The following NIBAN1 variants were observed in gnomAD, a reference collection of about 807,000 sequenced individuals.
NIBAN1 encodes protein Niban 1.
NIBAN1 carries 81 observed loss-of-function variants against 75.1 expected under a neutral mutation model. That is an observed-to-expected ratio of 1.08 (90% CI 0.90 to 1.30). The LOEUF is 1.30. NIBAN1 is among the 50% of genes most tolerant of loss of function. NIBAN1 has a pLI of 0.00. For missense variants in NIBAN1, 1,133 were observed against 1,128.1 expected (o/e 1.00, Z -0.06); for synonymous variants, 436 against 424.8 (o/e 1.03, Z -0.32).
chr1:184,888,338 G>T (rs1341168654), intron 4 of NIBAN1, among the ~76,000 whole-genome samples: 1 of 152,102 alleles, frequency 6.6e-6, no homozygotes, highest in African/African-American at 2.4e-5. Context: ...TGACTGACAT[G>T]GTTCTATCAA....
At chr1:184,961,273 A>T (rs1201412506) in intron 1 of NIBAN1, among the ~76,000 whole-genome samples, 1 of 150,252 alleles carries the variant, frequency 6.7e-6, no homozygotes, top group East Asian at 2.0e-4. Context: ...GTTTTACCGT[A>T]TTAGCCAGGA....
intron 4 of NIBAN1, among the ~76,000 whole-genome samples, chr1:184,886,990 A>T (rs1329019536): frequency 6.6e-6 from 1 of 152,122 alleles, no homozygotes; most frequent in African/African-American, 2.4e-5. Flanking sequence ...GAGTGGTGGC[A>T]TGCACCTGTA....
intron 5 of NIBAN1, among the ~76,000 whole-genome samples, chr1:184,835,245 C>T (rs548749140): frequency 2.4e-4 from 37 of 152,034 alleles, no homozygotes; most frequent in Non-Finnish European, 4.4e-4. Flanking sequence ...GATTACTGTA[C>T]CCTTGTAGTA....
At chr1:184,804,246 G>A (rs2102190407) in intron 11 of NIBAN1, among the ~76,000 whole-genome samples, 1 of 152,310 alleles carries the variant, frequency 6.6e-6, no homozygotes, top group East Asian at 1.9e-4. Flanking sequence ...TCACTTCAAG[G>A]GGATCACAGA....
At position 184,822,767 on chromosome 1, in the gene NIBAN1, A is replaced by G. The variant is rs558617398; in HGVS notation, c.985+400T>C. On this transcript the variant is annotated intron_variant, in intron 8 of 13. Coordinates refer to ENST00000367511, the MANE Select transcript of NIBAN1 (RefSeq NM_052966.4). Reference sequence around the variant, plus strand: ...TGATTTGAATATTTGCTGAGTCTGTATATGCCAGGCGTGACACCAGGCCCT... The same window carrying G: ...TGATTTGAATATTTGCTGAGTCTGTGTATGCCAGGCGTGACACCAGGCCCT... 5.3e-5 allele frequency among the ~76,000 whole-genome samples: 8 copies of G among 152,320 alleles called. No individual in the cohort carries two copies. In the East Asian group the frequency reaches 5.8e-4, roughly 11 times the overall value.
intron 5 of NIBAN1, among the ~76,000 whole-genome samples, chr1:184,836,745 G>C (rs1039230824): frequency 2.6e-5 from 4 of 152,164 alleles, no homozygotes; most frequent in African/African-American, 4.8e-5. Context: ...TGAGGGCCTG[G>C]ATCTGAATTC....
intron 1 of NIBAN1, among the ~76,000 whole-genome samples, chr1:184,944,574 T>G (rs912175814): frequency 2.0e-5 from 3 of 152,268 alleles, no homozygotes; most frequent in Admixed American, 6.5e-5. Flanking sequence ...TTGGAGTACA[T>G]GTCATGAGGA....
At chr1:184,937,383 C>T (rs1267305621) in intron 1 of NIBAN1, among the ~76,000 whole-genome samples, 1 of 152,104 alleles carries the variant, frequency 6.6e-6, no homozygotes, top group African/African-American at 2.4e-5. Flanking sequence ...ATACAATCTT[C>T]TATTGTCCCA....
rs56251286 is a variant in NIBAN1 at position 184,926,223 on chromosome 1, T to G, written c.56-26914A>C. ...TGCCAGACATATTGGAGCTCCATCG[T>G]ATGTTTTTTATTTGTCTGTTTGTTT... On this transcript the variant is annotated intron_variant, in intron 1 of 13. Transcript: ENST00000367511. 3.7e-3 allele frequency among the ~76,000 whole-genome samples: 563 copies of G among 152,244 alleles called. 1 individual carries two copies. The highest frequency in any genetic ancestry group is 0.013 in the African/African-American group (536 of 41,548).
intron 1 of NIBAN1, among the ~76,000 whole-genome samples, chr1:184,927,646 C>A (rs927282187): frequency 6.6e-6 from 1 of 152,078 alleles, no homozygotes; most frequent in Non-Finnish European, 1.5e-5. Flanking sequence ...CTGTGATAAC[C>A]ACTGCCTGCC....
rs186302659 is a variant in NIBAN1 at position 184,869,645 on chromosome 1, G to A, written c.601+14988C>T. Among the ~76,000 whole-genome samples, 394 of 151,772 alleles carry A rather than the reference G, an allele frequency of 2.6e-3. 1 individual carries two copies. Among genetic ancestry groups the A allele is most frequent in the African/African-American group, 9.2e-3 (381 of 41,336 alleles). On this transcript the variant is annotated intron_variant, in intron 5 of 13. Coordinates refer to ENST00000367511, the MANE Select transcript of NIBAN1 (RefSeq NM_052966.4). The stretch of plus-strand genomic sequence containing the variant: ...GCAACTCCACCTCCCATGTTCAAGC[G>A]ATTCTCCTGCCTCAGCCTCCTGAGT...
intron 3 of NIBAN1, 42 bp downstream of exon 3, chr1:184,894,033 A>G: frequency 1.3e-6 from 2 of 1,542,896 alleles, no homozygotes; most frequent in Non-Finnish European, 1.7e-6. Flanking sequence ...CCAAACTTTT[A>G]AGAACAGTGT....
At chr1:184,930,997 C>T (rs66552839) in intron 1 of NIBAN1, among the ~76,000 whole-genome samples, 46,886 of 113,150 alleles carry the variant, frequency 0.41, 8,593 homozygotes, top group South Asian at 0.51. Flanking sequence ...TTTTCTTCTT[C>T]TTTTTTTTTT....
intron 4 of NIBAN1, among the ~76,000 whole-genome samples, chr1:184,886,018 C>T (rs377136339): frequency 6.6e-6 from 1 of 152,264 alleles, no homozygotes; most frequent in African/African-American, 2.4e-5. Context: ...CAGTCTGTAC[C>T]CTCCCAGGGT....
intron 3 of NIBAN1, among the ~76,000 whole-genome samples, chr1:184,892,047 G>C (rs768542943): frequency 1.3e-5 from 2 of 152,194 alleles, no homozygotes; most frequent in Non-Finnish European, 2.9e-5. Context: ...TAAGTGAAAA[G>C]AGGAAAAACA....
At chr1:184,877,197 T>C (rs1656255218) in intron 5 of NIBAN1, among the ~76,000 whole-genome samples, 1 of 152,134 alleles carries the variant, frequency 6.6e-6, no homozygotes. Context: ...AGCAATAACA[T>C]GGATGAAGCA....
At chr1:184,881,356 A>G (rs1011000470) in intron 5 of NIBAN1, among the ~76,000 whole-genome samples, 7 of 152,174 alleles carry the variant, frequency 4.6e-5, no homozygotes, top group Admixed American at 3.9e-4. Context: ...GAATGAATGA[A>G]CATGAAAATG....
rs1227823071 is a variant in NIBAN1 at position 184,794,734 on chromosome 1, A to T, written c.*243T>A. 1 of 574,508 alleles carries T rather than the reference A, an allele frequency of 1.7e-6. No individual in the cohort carries two copies. 35.6% of individuals were successfully genotyped at this position (574,508 alleles called of 1,614,324 possible). A position where few individuals can be genotyped will look rare whatever the true frequency, so the allele number is the denominator to read the frequency against. On this transcript the variant is annotated 3_prime_UTR_variant, in exon 14 of 14. Coordinates refer to ENST00000367511, the MANE Select transcript of NIBAN1 (RefSeq NM_052966.4). ...GACATCCTCAGCTCCCTCTCACCCCAAGTATGCCATTGTCTTTGTAATTCT... is the reference window on the plus strand; with the variant it reads ...GACATCCTCAGCTCCCTCTCACCCCTAGTATGCCATTGTCTTTGTAATTCT...
At chr1:184,938,185 A>G (rs1401894347) in intron 1 of NIBAN1, among the ~76,000 whole-genome samples, 1 of 152,230 alleles carries the variant, frequency 6.6e-6, no homozygotes, top group African/African-American at 2.4e-5. Flanking sequence ...TGCACACACA[A>G]AATGAGAATT....
Sources: gnomAD v4.1 joint callset for allele counts (sites outside exome capture counted in the v4.1 genomes callset) on GRCh38, gnomAD v4.1.1 for gene constraint, MANE v1.5 for transcripts, NCBI Gene and HGNC (gene_info 2026-07-23, HGNC 2026-07-21) for gene names.